PTPRQ: variants seen among roughly 807,000 people sequenced by gnomAD.
PTPRQ encodes phosphatidylinositol phosphatase PTPRQ.
Under a neutral mutation model 246.0 loss-of-function variants are expected in PTPRQ, and 199 were observed. That is an observed-to-expected ratio of 0.81 (90% confidence interval 0.72 to 0.91). The LOEUF (loss-of-function observed/expected upper bound fraction) is 0.91, where lower values mean the gene tolerates loss of function less well. Among genes scored for constraint, PTPRQ ranks in the 40% least tolerant of loss-of-function variants. The pLI, the probability that PTPRQ is intolerant of heterozygous loss-of-function variation, is 0.00. For missense variants in PTPRQ, 2,624 were observed against 2,528.4 expected, an observed-to-expected ratio of 1.04 and a Z score of -0.81; for synonymous variants, 869 against 853.2, an observed-to-expected ratio of 1.02 and a Z score of -0.32.
chr12:80,611,304 C>A (rs1898541886), intron 28 of PTPRQ, among the ~76,000 whole-genome samples: 1 of 150,310 alleles, frequency 6.7e-6, no homozygotes, highest in African/African-American at 2.4e-5. Flanking sequence ...CCAGATATAT[C>A]ATTGGAAAAA....
At chr12:80,574,068 T>TA (rs1172256235) in intron 25 of PTPRQ, among the ~76,000 whole-genome samples, 24 of 151,430 alleles carry the variant, frequency 1.6e-4, no homozygotes, top group Non-Finnish European at 2.2e-4. Context: ...TAGTTTCAGT[T>TA]AAAAAAAAAG....
chr12:80,469,290 G>A (rs1893548561), intron 7 of PTPRQ, among the ~76,000 whole-genome samples: 1 of 152,108 alleles, frequency 6.6e-6, no homozygotes, highest in African/African-American at 2.4e-5. Context: ...CTATTTTGCT[G>A]TGGACCTAAA....
chr12:80,592,595 A>C (rs1206404882), intron 26 of PTPRQ, among the ~76,000 whole-genome samples: 2 of 152,192 alleles, frequency 1.3e-5, no homozygotes, highest in Non-Finnish European at 2.9e-5. Context: ...TATTAAAAAT[A>C]AGGCATTCAT....
chr12:80,522,460 T>C (rs889765627), intron 17 of PTPRQ, among the ~76,000 whole-genome samples: 1 of 152,128 alleles, frequency 6.6e-6, no homozygotes, highest in Non-Finnish European at 1.5e-5. Flanking sequence ...AGGGAATGCT[T>C]CCAGTTTTTG....
At chr12:80,642,734 A>C (rs1187786801) in intron 35 of PTPRQ, among the ~76,000 whole-genome samples, 6 of 150,424 alleles carry the variant, frequency 4.0e-5, no homozygotes, top group Non-Finnish European at 8.9e-5. Flanking sequence ...TCCCGGCTAA[A>C]ACGGTGAAAC....
intron 35 of PTPRQ, among the ~76,000 whole-genome samples, chr12:80,645,353 G>A (rs1356906934): frequency 6.6e-6 from 1 of 151,940 alleles, no homozygotes. Flanking sequence ...CTTTGAGTTA[G>A]GACCTCTTGA....
At chr12:80,669,229 A>C in intron 40 of PTPRQ, 88 bp downstream of exon 40, 1 of 1,528,404 alleles carries the variant, frequency 6.5e-7, no homozygotes, top group Non-Finnish European at 8.8e-7. Context: ...GTGAGTCATC[A>C]ATAACCTGGA....
chr12:80,634,762 A>C, intron 34 of PTPRQ, 183 bp from the exon 35 acceptor site: 1 of 810,692 alleles, frequency 1.2e-6, no homozygotes, highest in Non-Finnish European at 1.7e-6. Flanking sequence ...AAAGTAGAAT[A>C]GGTTCTATGG....
At chr12:80,601,296 T>C (rs1217984079) in intron 26 of PTPRQ, among the ~76,000 whole-genome samples, 1 of 151,796 alleles carries the variant, frequency 6.6e-6, no homozygotes, top group Non-Finnish European at 1.5e-5. Flanking sequence ...TCTCTTTGGT[T>C]CTCTTCTATA....
At chr12:80,465,902 C>G (rs967800776) in intron 6 of PTPRQ, among the ~76,000 whole-genome samples, 3 of 152,108 alleles carry the variant, frequency 2.0e-5, no homozygotes, top group Non-Finnish European at 4.4e-5. Context: ...CAATATCATA[C>G]TGAATGGGCA....
chr12:80,495,522 T>TAA (rs1429726485), intron 12 of PTPRQ, among the ~76,000 whole-genome samples, 151 bp downstream of exon 12: 1 of 152,044 alleles, frequency 6.6e-6, no homozygotes, highest in Non-Finnish European at 1.5e-5. Context: ...TGAATCTTTT[T>TAA]AAAATACCTG....
intron 20 of PTPRQ, 114 bp downstream of exon 20, chr12:80,540,058 T>C: frequency 1.1e-6 from 1 of 900,206 alleles, no homozygotes; most frequent in South Asian, 2.9e-5. Flanking sequence ...GACACGTTCA[T>C]TATAGGAGTT....
chr12:80,664,603 T>C (rs945477960), intron 39 of PTPRQ, among the ~76,000 whole-genome samples: 2 of 152,080 alleles, frequency 1.3e-5, no homozygotes, highest in African/African-American at 4.8e-5. Context: ...TCTCTACTTC[T>C]TTATTGTTCT....
rs570268157 is a variant in PTPRQ, at chr12:80,466,484, T to C, written c.911-2226T>C. Among the ~76,000 whole-genome samples, 988 of 152,312 alleles carry C rather than the reference T, an allele frequency of 6.5e-3. 10 individuals are homozygous for C. Among genetic ancestry groups the C allele is most frequent in the African/African-American group, 0.022 (933 of 41,560 alleles). On this transcript the variant is annotated intron_variant, in intron 6 of 44. Coordinates refer to ENST00000644991, the MANE Select transcript of PTPRQ (RefSeq NM_001145026.2). ...CCCCATCAAGCTACCAATGACTTTCTTCACAGAATTGGAAAAAACTACTTT... is the reference window on the plus strand; with the variant it reads ...CCCCATCAAGCTACCAATGACTTTCCTCACAGAATTGGAAAAAACTACTTT...
intron 14 of PTPRQ, among the ~76,000 whole-genome samples, chr12:80,501,286 T>G (rs1342608538): frequency 3.3e-5 from 5 of 151,946 alleles, no homozygotes; most frequent in African/African-American, 9.7e-5. Flanking sequence ...GATTTACAGT[T>G]TTCAAAGATT....
At chr12:80,466,073 T>C (rs1193708835) in intron 6 of PTPRQ, among the ~76,000 whole-genome samples, 1 of 152,200 alleles carries the variant, frequency 6.6e-6, no homozygotes, top group African/African-American at 2.4e-5. Flanking sequence ...AATGTCCCTG[T>C]TTGCAGACGA....
rs1895916464 is a variant in PTPRQ, at chr12:80,534,023, C to T, written c.2687C>T (p.Ser896Leu). The T allele has an allele frequency of 6.7e-7, 1 of 1,490,896 alleles. No individual in the cohort carries two copies. The highest frequency in any genetic ancestry group is 8.9e-7 in the Non-Finnish European group (1 of 1,120,498). The allele number at this position is 1,490,896 out of a possible 1,614,324, so 92.4% of individuals were successfully genotyped here. Residue 896 changes from serine (S) to leucine (L), a missense_variant, in exon 18 of 45, where the codon TCA becomes TTA. Coordinates refer to ENST00000644991, the MANE Select transcript of PTPRQ (RefSeq NM_001145026.2). Reference protein sequence around the residue: ...LYYTVYVWNRSSLKTINVTET... With the variant: ...LYYTVYVWNRLSLKTINVTET... The stretch of plus-strand genomic sequence containing the variant: ...TATTCTTTTTATCTCAGGAATAGAT[C>T]ATCATTAAAAACTATTAATGTCACT...
chr12:80,482,085 A>G (rs1277981097), intron 8 of PTPRQ, among the ~76,000 whole-genome samples: 3 of 151,870 alleles, frequency 2.0e-5, no homozygotes, highest in African/African-American at 7.3e-5. Flanking sequence ...CTAAGCCAAA[A>G]GAACAAAGCT....
chr12:80,569,511 C>T (rs1592666375), intron 25 of PTPRQ, among the ~76,000 whole-genome samples: 1 of 150,950 alleles, frequency 6.6e-6, no homozygotes. Context: ...GCACATTGTG[C>T]ACATGTACCC....
Sources: allele counts gnomAD v4.1 joint callset (sites outside exome capture counted in the v4.1 genomes callset), GRCh38; gene constraint gnomAD v4.1.1; transcripts MANE v1.5; gene names NCBI Gene and HGNC (gene_info 2026-07-23, HGNC 2026-07-21).